Variants in SLC25A31 observed in about 807,000 individuals in gnomAD.
The protein encoded by SLC25A31 is ADP/ATP translocase 4.
SLC25A31 carries 40 observed loss-of-function variants against 36.2 expected under a neutral mutation model. The ratio of observed to expected loss-of-function variants is 1.10; its 90% CI spans 0.86 to 1.44. The LOEUF is 1.44. Among genes scored for constraint, SLC25A31 ranks in the 40% most tolerant of loss-of-function variants. SLC25A31 has a pLI of 0.00. For missense variants in SLC25A31, 350 were observed against 397.1 expected, an observed-to-expected ratio of 0.88 and a Z score of 1.01; for synonymous variants, 143 against 149.7, an observed-to-expected ratio of 0.96 and a Z score of 0.32.
intron 2 of SLC25A31, among the ~76,000 whole-genome samples, chr4:127,752,814 CT>C (rs987695348): frequency 2.0e-5 from 3 of 152,150 alleles, no homozygotes; most frequent in Non-Finnish European, 4.4e-5. Context: ...GCAATGCATA[CT>C]GCACTTTCAA....
intron 2 of SLC25A31, among the ~76,000 whole-genome samples, chr4:127,758,864 G>A (rs1732078253): frequency 6.6e-6 from 1 of 152,088 alleles, no homozygotes; most frequent in Non-Finnish European, 1.5e-5. Flanking sequence ...TGCTGTTTGG[G>A]GTATTATAGC....
chr4:127,772,938 C>A (rs1015744091), intron 5 of SLC25A31, among the ~76,000 whole-genome samples: 1 of 151,918 alleles, frequency 6.6e-6, no homozygotes, highest in Non-Finnish European at 1.5e-5. Context: ...TGTGCCAGCA[C>A]ACCCAGCTAA....
At chr4:127,730,893 C>A in intron 1 of SLC25A31, 116 bp downstream of exon 1, 1 of 989,428 alleles carries the variant, frequency 1.0e-6, no homozygotes, top group Admixed American at 2.7e-5. Context: ...CTACAGCTGT[C>A]GGTGATGAAT....
intron 1 of SLC25A31, among the ~76,000 whole-genome samples, chr4:127,736,429 G>A (rs1391231299): frequency 2.0e-5 from 3 of 152,088 alleles, no homozygotes; most frequent in Non-Finnish European, 4.4e-5. Context: ...TATATATTAA[G>A]AAACCATCCA....
chr4:127,737,504 C>T (rs1050087018), intron 1 of SLC25A31, among the ~76,000 whole-genome samples: 2 of 151,994 alleles, frequency 1.3e-5, no homozygotes, highest in African/African-American at 4.8e-5. Flanking sequence ...TCATTAAAAC[C>T]TTCTGTTTAT....
Position 127,773,477 on chromosome 4 carries a change from C to A in SLC25A31, c.851C>A (p.Ala284Asp), listed in dbSNP as rs1732405711. The change falls in exon 6 of 6, where the codon GCC (alanine) becomes GAC (aspartate). Residue 284 changes from alanine to aspartate, a missense_variant. Ala to Asp is a moderately radical substitution (Grantham distance 126). Transcript: ENST00000281154. Reference protein sequence around the residue: ...HEGISSFFRGAFSNVLRGTGG... With the variant: ...HEGISSFFRGDFSNVLRGTGG... The stretch of plus-strand genomic sequence containing the variant: ...GGAATCAGTTCCTTTTTTCGTGGCG[C>A]CTTCTCCAATGTTCTTCGCGGTACA... 6.2e-7 allele frequency: 1 copy of A among 1,613,740 alleles called. No homozygotes were observed. Among genetic ancestry groups the A allele is most frequent in the Non-Finnish European group, 8.5e-7 (1 of 1,179,850 alleles).
At chr4:127,763,804 A>C (rs186684679) in intron 2 of SLC25A31, among the ~76,000 whole-genome samples, 1 of 152,204 alleles carries the variant, frequency 6.6e-6, no homozygotes, top group African/African-American at 2.4e-5. Context: ...GTTTTTTGCC[A>C]TAATACTACT....
At chr4:127,757,643 A>G (rs1223792793) in intron 2 of SLC25A31, among the ~76,000 whole-genome samples, 1 of 152,210 alleles carries the variant, frequency 6.6e-6, no homozygotes. Flanking sequence ...CTTCCTTTGG[A>G]TAGATAGCCA....
intron 1 of SLC25A31, among the ~76,000 whole-genome samples, chr4:127,741,755 T>C (rs533029850): frequency 6.8e-4 from 103 of 152,326 alleles, no homozygotes; most frequent in African/African-American, 2.3e-3. Flanking sequence ...AATTCAGCTG[T>C]GAAATCATCA....
In SLC25A31 at chr4:127,773,684, T is replaced by G. The variant is rs1021319815; in HGVS notation, c.*110T>G. ...TGTTATTGTCTGTATTTTGTTAAAG[T>G]GCTAGTTCTGCAATAAAGCATACAT... is the stretch of plus-strand genomic sequence containing the variant. On this transcript the variant is annotated 3_prime_UTR_variant, in exon 6 of 6. Coordinates refer to ENST00000281154, the MANE Select transcript of SLC25A31 (RefSeq NM_031291.4). The G allele has an allele frequency of 6.1e-6, 5 of 824,444 alleles. No individual in the cohort carries two copies. Among genetic ancestry groups the G allele is most frequent in the Admixed American group, 6.7e-5 (2 of 29,874 alleles). The allele number at this position is 824,444 out of a possible 1,614,324, so 51.1% of individuals were successfully genotyped here.
rs143214228 is a variant in SLC25A31, at chr4:127,768,593, C to T, written c.634-159C>T. ...TGAAATATAGTCATGTGTGGCATTCCACTTTTTATTGATCTGCTACTATTA... is the reference window on the plus strand; with the variant it reads ...TGAAATATAGTCATGTGTGGCATTCTACTTTTTATTGATCTGCTACTATTA... On this transcript the variant is annotated intron_variant, in intron 4 of 5. Coordinates refer to ENST00000281154, the MANE Select transcript of SLC25A31 (RefSeq NM_031291.4). 1.8e-3 allele frequency among the ~76,000 whole-genome samples: 272 copies of T among 152,078 alleles called. 1 individual carries two copies. Among genetic ancestry groups the T allele is most frequent in the African/African-American group, 6.1e-3 (255 of 41,508 alleles).
At chr4:127,766,682 C>T (rs150719202) in intron 3 of SLC25A31, among the ~76,000 whole-genome samples, 2,856 of 152,004 alleles carry the variant, frequency 0.019, 88 homozygotes, top group African/African-American at 0.064. Context: ...AGGCTGGTCT[C>T]GAACTCCTGG....
Position 127,767,124 on chromosome 4 carries a change from A to C in SLC25A31, c.537A>C (p.Ser179=), listed in dbSNP as rs2148764959. ...ACTGTATTATGAAAATAGCAAAATCAGATGGAATTGCTGGTTTATACCAAG... is the reference window on the plus strand; with the variant it reads ...ACTGTATTATGAAAATAGCAAAATCCGATGGAATTGCTGGTTTATACCAAG... The part of the protein sequence containing the change: ...LGDCIMKIAK[S]DGIAGLYQGF... Residue 179 remains serine (S), a synonymous_variant, in exon 4 of 6, where the codon TCA becomes TCC. Coordinates refer to ENST00000281154, the MANE Select transcript of SLC25A31 (RefSeq NM_031291.4). The C allele has an allele frequency of 6.2e-7, 1 of 1,613,888 alleles. No individual in the cohort carries two copies. The highest frequency in any genetic ancestry group is 8.5e-7 in the Non-Finnish European group (1 of 1,179,878).
intron 2 of SLC25A31, among the ~76,000 whole-genome samples, chr4:127,748,605 A>G (rs1393432015): frequency 4.6e-5 from 7 of 152,206 alleles, no homozygotes; most frequent in Non-Finnish European, 8.8e-5. Flanking sequence ...GAGACAGTCC[A>G]GTTCACCCAG....
chr4:127,743,955 A>T (rs567812705), intron 1 of SLC25A31, among the ~76,000 whole-genome samples: 1 of 152,212 alleles, frequency 6.6e-6, no homozygotes, highest in Non-Finnish European at 1.5e-5. Context: ...AATCGAGTGA[A>T]AACAACCAAG....
intron 1 of SLC25A31, among the ~76,000 whole-genome samples, chr4:127,736,173 A>G (rs1436390733): frequency 6.6e-6 from 1 of 152,090 alleles, no homozygotes; most frequent in Non-Finnish European, 1.5e-5. Context: ...ACAGGCGTGA[A>G]TGCCTAACAT....
chr4:127,760,395 C>G (rs1474302997), intron 2 of SLC25A31, among the ~76,000 whole-genome samples: 1 of 152,170 alleles, frequency 6.6e-6, no homozygotes, highest in Non-Finnish European at 1.5e-5. Flanking sequence ...GGACTCAGAG[C>G]TTAAAGCTTT....
At chr4:127,770,571 A>G (rs965400240) in intron 5 of SLC25A31, among the ~76,000 whole-genome samples, 6 of 151,890 alleles carry the variant, frequency 4.0e-5, no homozygotes, top group Non-Finnish European at 7.4e-5. Flanking sequence ...CTTGCAGTGA[A>G]CCAAGATGGC....
chr4:127,769,826 C>T (rs1560642034), intron 5 of SLC25A31, among the ~76,000 whole-genome samples: 1 of 152,148 alleles, frequency 6.6e-6, no homozygotes, highest in African/African-American at 2.4e-5. Flanking sequence ...AGTGAGAGAA[C>T]ATTCTAAGCA....
Sources: allele counts gnomAD v4.1 joint callset (sites outside exome capture counted in the v4.1 genomes callset), GRCh38; gene constraint gnomAD v4.1.1; transcripts MANE v1.5; gene names NCBI Gene and HGNC (gene_info 2026-07-23, HGNC 2026-07-21).